The following ZNF324 variants were observed in gnomAD, a reference collection of about 807,000 sequenced individuals.
ZNF324 encodes zinc finger protein 324.
ZNF324 carries 3 observed loss-of-function variants against 10.3 expected under a neutral mutation model. The ratio of observed to expected loss-of-function variants is 0.29; its 90% CI spans 0.13 to 0.75. The LOEUF (loss-of-function observed/expected upper bound fraction) is 0.75. ZNF324 is among the 30% of genes least tolerant of loss of function. The probability of loss-of-function intolerance (pLI) is 0.69; values close to 1 mark genes in which losing one functional copy is unlikely to be tolerated. For missense variants in ZNF324, 763 were observed against 784.4 expected, an observed-to-expected ratio of 0.97 and a Z score of 0.33; for synonymous variants, 430 against 339.5, an observed-to-expected ratio of 1.27 and a Z score of -2.93.
In ZNF324 at chr19:58,472,120, GC is replaced by G. The variant is rs1392673478; in HGVS notation, c.1631del (p.Pro544GlnfsTer21). 5.7e-6 allele frequency: 9 copies of G among 1,590,714 alleles called. No individual in the cohort carries two copies. Among genetic ancestry groups the G allele is most frequent in the Non-Finnish European group, 7.7e-6 (9 of 1,169,794 alleles). ...AKETEPTPAS[G>X]PAAVSQPAEV ...GAAACCGAGCCCACTCCCGCCTCGG[GC>G]CCAGCCGCCGTCTCGCAGCCAGCGG... On this transcript the variant is annotated frameshift_variant, in exon 4 of 4. Transcript: ENST00000196482. LOFTEE classifies it low-confidence loss of function (END_TRUNC).
At chr19:58,469,359 C>G in intron 2 of ZNF324, 53 bp downstream of exon 2, 1 of 1,592,544 alleles carries the variant, frequency 6.3e-7, no homozygotes, top group South Asian at 1.1e-5. Flanking sequence ...GCTGACTGGC[C>G]AGGGCTGCCC....
intron 3 of ZNF324, 109 bp downstream of exon 3, chr19:58,469,953 A>ATTCCC (rs1467064642): frequency 7.6e-5 from 58 of 761,274 alleles, no homozygotes; most frequent in African/African-American, 2.6e-4. Flanking sequence ...CTCCCACCCG[A>ATTCCC]TTCCCTTCCC....
At position 58,472,931 on chromosome 19, in the gene ZNF324, G is replaced by C. The variant is rs1361546699; in HGVS notation, c.*777G>C. The C allele has an allele frequency of 6.5e-6, 1 of 152,742 alleles. No homozygotes were observed. The highest frequency in any genetic ancestry group is 1.5e-5 in the Non-Finnish European group (1 of 68,104). The allele number at this position is 152,742 out of a possible 1,614,324, so 9.5% of individuals were successfully genotyped here. ...TCACACACATAGCCGACTCAGGAGAGGGATGCCCATGGGGGAACATGTGAC... is the reference window on the plus strand; with the variant it reads ...TCACACACATAGCCGACTCAGGAGACGGATGCCCATGGGGGAACATGTGAC... On this transcript the variant is annotated 3_prime_UTR_variant, in exon 4 of 4. Transcript: ENST00000196482.
In ZNF324 at chr19:58,472,017, G is replaced by T; in HGVS notation, c.1525G>T (p.Val509Phe). Residue 509 changes from valine (V) to phenylalanine (F), a missense_variant, in exon 4 of 4, where the codon GTC (valine) becomes TTC (phenylalanine). By Grantham distance (50) the Val-to-Phe change is conservative (BLOSUM62 -1). Around this residue, in one of 3 missense-constraint regions of ZNF324, gnomAD observed 231 missense variants for 196.0 expected, o/e 1.18. Transcript: ENST00000196482. The part of the protein sequence containing the change: ...HQRIHTGEKT[V>F]RRSRASLHPQ... Reference sequence around the variant, plus strand: ...GAGGATCCATACCGGCGAGAAGACCGTCCGGCGATCCAGGGCCAGCCTGCA... The same window carrying T: ...GAGGATCCATACCGGCGAGAAGACCTTCCGGCGATCCAGGGCCAGCCTGCA... 1.2e-6 allele frequency: 2 copies of T among 1,607,378 alleles called. No individual in the cohort carries two copies. The highest frequency in any genetic ancestry group is 8.5e-7 in the Non-Finnish European group (1 of 1,179,714).
Position 58,472,174 on chromosome 19 carries a change from G to C in ZNF324, c.*20G>C, listed in dbSNP as rs1287275911. The C allele has an allele frequency of 2.6e-6, 4 of 1,547,630 alleles. No individual in the cohort carries two copies. Among genetic ancestry groups the C allele is most frequent in the Non-Finnish European group, 3.5e-6 (4 of 1,149,008 alleles). On this transcript the variant is annotated 3_prime_UTR_variant, in exon 4 of 4. Transcript: ENST00000196482. ...GTCTGAGGTCACAGGTTGCAGCCCT[G>C]GCCTTCTGTGAATCCCTTCCACAGC...
At chr19:58,470,434 T>G in intron 3 of ZNF324, 1 of 517,230 alleles carries the variant, frequency 1.9e-6, no homozygotes, top group South Asian at 2.0e-5. Context: ...GTGGGTGGAA[T>G]AGCCAGTGTG....
Position 58,469,163 on chromosome 19 carries a change from C to T in ZNF324, c.-6-17C>T. On this transcript the variant is annotated splice_polypyrimidine_tract_variant and intron_variant, in intron 1 of 3. Transcript: ENST00000196482. ...CAGCCTTAGACCATGGCTGTCTCTT[C>T]CTCCCTGCTCTTTTAGGACCAGATG... is the stretch of plus-strand genomic sequence containing the variant. 6.2e-7 allele frequency: 1 copy of T among 1,614,150 alleles called. No homozygotes were observed. The highest frequency in any genetic ancestry group is 1.1e-5 in the South Asian group (1 of 91,088).
Position 58,471,101 on chromosome 19 carries a change from T to C in ZNF324, c.609T>C (p.Pro203=), listed in dbSNP as rs768833538. ...AGAAACCATGTGCACAGGAGGTCCC[T>C]GGGAGAACCTTTGGGAGCGCCCAGG... ...ERQKPCAQEV[P]GRTFGSAQDL... Residue 203 remains proline, a synonymous_variant, in exon 4 of 4, where the codon CCT becomes CCC. Coordinates refer to ENST00000196482, the MANE Select transcript of ZNF324 (RefSeq NM_014347.3). 5 of 1,613,718 alleles carry C rather than the reference T, an allele frequency of 3.1e-6. No homozygotes were observed. The African/African-American group carries it at 4.0e-5, about 13-fold the overall frequency.
Position 58,471,263 on chromosome 19 carries a change from C to T in ZNF324, c.771C>T (p.Phe257=), listed in dbSNP as rs761500065. 16 of 1,613,604 alleles carry T rather than the reference C, an allele frequency of 9.9e-6. No individual in the cohort carries two copies. Among genetic ancestry groups the T allele is most frequent in the Admixed American group, 1.7e-5 (1 of 59,992 alleles). Residue 257 remains phenylalanine (F), a synonymous_variant, in exon 4 of 4, where the codon TTC becomes TTT. Coordinates refer to ENST00000196482, the MANE Select transcript of ZNF324 (RefSeq NM_014347.3). ...CTCTTCACGCTGGGGAGAAGTCCTT[C>T]GAATGCAGGGCGTGCAGCAAAGTGT... ...GEALHAGEKS[F]ECRACSKVFV...
At position 58,474,827 on chromosome 19, in the gene ZNF324, G is replaced by C. The variant is rs1206742279; in HGVS notation, c.*2673G>C. On this transcript the variant is annotated 3_prime_UTR_variant, in exon 4 of 4. Coordinates refer to ENST00000196482, the MANE Select transcript of ZNF324 (RefSeq NM_014347.3). The stretch of plus-strand genomic sequence containing the variant: ...CAGGAGCAATGGCATTCCTAAGCTA[G>C]AAGTGGGTGAGAGCTGTCACTAAGT... 2 of 152,354 alleles carry C rather than the reference G, an allele frequency of 1.3e-5. No homozygotes were observed. The highest frequency in any genetic ancestry group is 4.1e-4 in the South Asian group (2 of 4,830). The allele number at this position is 152,354 out of a possible 1,614,324, so 9.4% of individuals were successfully genotyped here.
chr19:58,472,008 G>A lies in ZNF324; in HGVS notation c.1516G>A (p.Glu506Lys), dbSNP rs781210717. Residue 506 changes from glutamate (E) to lysine (K), a missense_variant, in exon 4 of 4, where the codon GAG (glutamate) becomes AAG (lysine). Glu to Lys is a moderately conservative substitution (Grantham distance 56, BLOSUM62 1). Transcript: ENST00000196482. ...LFHHQRIHTG[E>K]KTVRRSRASL... is the part of the protein sequence containing the mutation. The stretch of plus-strand genomic sequence containing the variant: ...CCACCACCAGAGGATCCATACCGGC[G>A]AGAAGACCGTCCGGCGATCCAGGGC... 6.2e-7 allele frequency: 1 copy of A among 1,608,034 alleles called. No individual in the cohort carries two copies. The highest frequency in any genetic ancestry group is 1.1e-5 in the South Asian group (1 of 91,078).
rs763384027 is a variant in ZNF324 at position 58,471,382 on chromosome 19, C to T, written c.890C>T (p.Thr297Met). The change falls in exon 4 of 4, where the codon ACG becomes ATG. Residue 297 changes from threonine to methionine, a missense_variant. Physicochemically the swap from Thr to Met is moderately conservative, Grantham distance 81. Coordinates refer to ENST00000196482, the MANE Select transcript of ZNF324 (RefSeq NM_014347.3). ...CAQCGKAFSQTSHLTQHQRIH... is the reference protein window; with the variant it reads ...CAQCGKAFSQMSHLTQHQRIH... ...CAGTGCGGCAAGGCCTTCAGCCAGA[C>T]GTCGCACTTGACGCAGCACCAGCGC... 3.7e-6 allele frequency: 6 copies of T among 1,613,676 alleles called. No individual in the cohort carries two copies. Among genetic ancestry groups the T allele is most frequent in the East Asian group, 2.2e-5 (1 of 44,852 alleles).
rs1448356263 is a variant in ZNF324 at position 58,471,672 on chromosome 19, G to A, written c.1180G>A (p.Glu394Lys). Residue 394 changes from glutamate (E) to lysine (K), a missense_variant, in exon 4 of 4, where the codon GAG (glutamate) becomes AAG (lysine). Physicochemically the swap from Glu to Lys is moderately conservative, Grantham distance 56 (BLOSUM62 1). Around this residue, in one of 3 missense-constraint regions of ZNF324, gnomAD observed 153 missense variants for 269.0 expected, o/e 0.57. Transcript: ENST00000196482. ...LIQHERTHTGEKPFVCALCGA... is the reference protein window; with the variant it reads ...LIQHERTHTGKKPFVCALCGA... Reference sequence around the variant, plus strand: ...CCAGCACGAGCGTACGCACACAGGCGAGAAGCCCTTCGTGTGCGCGCTCTG... The same window carrying A: ...CCAGCACGAGCGTACGCACACAGGCAAGAAGCCCTTCGTGTGCGCGCTCTG... The A allele has an allele frequency of 6.2e-7, 1 of 1,612,704 alleles. No individual in the cohort carries two copies. The highest frequency in any genetic ancestry group is 8.5e-7 in the Non-Finnish European group (1 of 1,179,774).
At position 58,472,083 on chromosome 19, in the gene ZNF324, G is replaced by A; in HGVS notation, c.1591G>A (p.Ala531Thr). Residue 531 changes from alanine to threonine, a missense_variant, in exon 4 of 4, where the codon GCG becomes ACG. By Grantham distance (58) the Ala-to-Thr change is moderately conservative. Transcript: ENST00000196482. Reference sequence around the variant, plus strand: ...TGTTGCCGGGGCATCATCAGAAGGTGCGCCAGCGAAGGAAACCGAGCCCAC... The same window carrying A: ...TGTTGCCGGGGCATCATCAGAAGGTACGCCAGCGAAGGAAACCGAGCCCAC... Reference protein sequence around the residue: ...RSVAGASSEGAPAKETEPTPA... With the variant: ...RSVAGASSEGTPAKETEPTPA... 6.2e-7 allele frequency: 1 copy of A among 1,601,402 alleles called. No homozygotes were observed. The highest frequency in any genetic ancestry group is 8.5e-7 in the Non-Finnish European group (1 of 1,175,934).
At chr19:58,470,529 G>A in intron 3 of ZNF324, 1 of 696,130 alleles carries the variant, frequency 1.4e-6, no homozygotes, top group East Asian at 2.7e-5. Context: ...GATCATGGGA[G>A]TGCCCAGTGT....
intron 3 of ZNF324, 30 bp downstream of exon 3, chr19:58,469,874 C>T (rs1379756385): frequency 6.4e-7 from 1 of 1,551,070 alleles, no homozygotes; most frequent in South Asian, 1.2e-5. Flanking sequence ...GGGGTGAATT[C>T]AGGACCAACC....
Position 58,472,169 on chromosome 19 carries a change from G to A in ZNF324, c.*15G>A. 2.6e-6 allele frequency: 4 copies of A among 1,552,856 alleles called. No individual in the cohort carries two copies. The highest frequency in any genetic ancestry group is 3.5e-6 in the Non-Finnish European group (4 of 1,151,410). The stretch of plus-strand genomic sequence containing the variant: ...CGGAGGTCTGAGGTCACAGGTTGCA[G>A]CCCTGGCCTTCTGTGAATCCCTTCC... On this transcript the variant is annotated 3_prime_UTR_variant, in exon 4 of 4. Coordinates refer to ENST00000196482, the MANE Select transcript of ZNF324 (RefSeq NM_014347.3).
chr19:58,468,404 G>A (rs904281253), intron 1 of ZNF324, among the ~76,000 whole-genome samples: 1 of 152,068 alleles, frequency 6.6e-6, no homozygotes, highest in Non-Finnish European at 1.5e-5. Context: ...AGGGGACACC[G>A]GGTGAAAGGA....
chr19:58,472,627 C>G lies in ZNF324; in HGVS notation c.*473C>G, dbSNP rs1049730575. 2 of 157,164 alleles carry G rather than the reference C, an allele frequency of 1.3e-5. No individual in the cohort carries two copies. The highest frequency in any genetic ancestry group is 2.8e-5 in the Non-Finnish European group (2 of 71,396). 9.7% of individuals were successfully genotyped at this position (157,164 alleles called of 1,614,324 possible). ...ACTGCCTCTGTTCATCCAAGACTTC[C>G]TAGGGGCCAGCCTAGCAGACAAGAG... is the stretch of plus-strand genomic sequence containing the variant. On this transcript the variant is annotated 3_prime_UTR_variant, in exon 4 of 4. Coordinates refer to ENST00000196482, the MANE Select transcript of ZNF324 (RefSeq NM_014347.3).
Sources: allele counts gnomAD v4.1 joint callset (sites outside exome capture counted in the v4.1 genomes callset), GRCh38; gene constraint gnomAD v4.1.1; regional missense constraint gnomAD v4.1.1; transcripts MANE v1.5; gene names NCBI Gene and HGNC (gene_info 2026-07-23, HGNC 2026-07-21).